Variants in MICAL3 observed in about 807,000 individuals in gnomAD.
The protein encoded by MICAL3 is [F-actin]-monooxygenase MICAL3.
A neutral mutation model predicts 207.4 loss-of-function variants in MICAL3; 62 were observed. The observed-to-expected ratio is 0.30, with a 90% CI of 0.24 to 0.37. MICAL3 has a LOEUF of 0.37. Among genes scored for constraint, MICAL3 ranks in the 10% least tolerant of loss-of-function variants. The pLI, the probability that MICAL3 is intolerant of heterozygous loss-of-function variation, is 1.00. For missense variants in MICAL3, 2,368 were observed against 2,635.6 expected, an observed-to-expected ratio of 0.90 and a Z score of 2.22; for synonymous variants, 1,077 against 1,069.3, an observed-to-expected ratio of 1.01 and a Z score of -0.14.
intron 1 of MICAL3, among the ~76,000 whole-genome samples, chr22:18,002,944 C>T (rs927173033): frequency 6.6e-6 from 1 of 152,174 alleles, no homozygotes; most frequent in Non-Finnish European, 1.5e-5. Flanking sequence ...ATCACGAGGT[C>T]AGGAGATCCA....
intron 1 of MICAL3, among the ~76,000 whole-genome samples, chr22:17,967,490 A>C (rs1461617329): frequency 1.8e-5 from 2 of 111,228 alleles, no homozygotes; most frequent in African/African-American, 6.0e-5. Flanking sequence ...ACACACACAC[A>C]CACCCACACA....
At chr22:17,927,246 A>C (rs994116392) in intron 1 of MICAL3, among the ~76,000 whole-genome samples, 1 of 152,196 alleles carries the variant, frequency 6.6e-6, no homozygotes, top group Non-Finnish European at 1.5e-5. Flanking sequence ...CCACATTGTA[A>C]CATATACCAT....
chr22:17,833,646 G>A (rs150372994), intron 20 of MICAL3, among the ~76,000 whole-genome samples: 29 of 152,338 alleles, frequency 1.9e-4, no homozygotes, highest in South Asian at 1.2e-3. Flanking sequence ...CTATGGGGCT[G>A]TCACTGTTTG....
At position 17,827,775 on chromosome 22, in the gene MICAL3, T is replaced by G; in HGVS notation, c.3062A>C (p.Asn1021Thr). Reference protein sequence around the residue: ...EEEEESSEAGNQRLQQVMHAA... With the variant: ...EEEEESSEAGTQRLQQVMHAA... ...GTGCATGACCTGCTGGAGCCTCTGGTTCCCGGCTAGTGTCCCAGGGTCAAG... is the reference window on the plus strand; with the variant it reads ...GTGCATGACCTGCTGGAGCCTCTGGGTCCCGGCTAGTGTCCCAGGGTCAAG... The change falls in exon 22 of 32, where the codon AAC becomes ACC. Residue 1021 changes from asparagine (N) to threonine (T), a missense_variant. Transcript: ENST00000441493. 6.5e-7 allele frequency: 1 copy of G among 1,548,292 alleles called. No homozygotes were observed. Among genetic ancestry groups the G allele is most frequent in the Non-Finnish European group, 8.7e-7 (1 of 1,145,486 alleles).
chr22:17,863,126 C>T (rs1241322297), intron 19 of MICAL3: 1 of 985,258 alleles, frequency 1.0e-6, no homozygotes, highest in Non-Finnish European at 1.2e-6. Flanking sequence ...AAACCTGAAA[C>T]CCATTATACT....
chr22:17,810,685 C>A lies in MICAL3; in HGVS notation c.5556+18G>T. The A allele has an allele frequency of 6.2e-7, 1 of 1,600,180 alleles. No homozygotes were observed. The highest frequency in any genetic ancestry group is 1.1e-5 in the South Asian group (1 of 90,802). On this transcript the variant is annotated intron_variant, in intron 28 of 31. Coordinates refer to ENST00000441493, the MANE Select transcript of MICAL3 (RefSeq NM_015241.3). ...CCCTCCCATGCATGTGCCCTGGTCC[C>A]ATCCTCCATGGTTTTACCTGGGCTC...
chr22:18,000,468 C>G (rs1922828011), intron 1 of MICAL3, among the ~76,000 whole-genome samples: 1 of 152,252 alleles, frequency 6.6e-6, no homozygotes, highest in Admixed American at 6.5e-5. Context: ...GCACAGAGGC[C>G]TTGCCTGAGG....
At chr22:17,897,165 G>A (rs1224220582) in intron 7 of MICAL3, among the ~76,000 whole-genome samples, 184 bp from the exon 8 acceptor site, 1 of 152,116 alleles carries the variant, frequency 6.6e-6, no homozygotes, top group East Asian at 1.9e-4. Context: ...GCCCACACCT[G>A]TAATCCCAGC....
chr22:17,817,607 G>C lies in MICAL3; in HGVS notation c.5054C>G (p.Ser1685Cys). Residue 1685 changes from serine (S) to cysteine (C), a missense_variant, in exon 26 of 32, where the codon TCT (serine) becomes TGT (cysteine). Transcript: ENST00000441493. ...PPSDSGGPDG[S>C]FTSSEGSSGK... ...ACTGGAGCCCTCGGATGAAGTGAAA[G>C]AGCCATCTGGGCCCCCTGAGTCCGA... 1 of 1,613,216 alleles carries C rather than the reference G, an allele frequency of 6.2e-7. No homozygotes were observed. Among genetic ancestry groups the C allele is most frequent in the South Asian group, 1.1e-5 (1 of 91,064 alleles).
At chr22:17,798,919 C>T (rs1027900666) in intron 29 of MICAL3, among the ~76,000 whole-genome samples, 80 of 152,024 alleles carry the variant, frequency 5.3e-4, no homozygotes, top group Admixed American at 9.8e-4. Context: ...GTGATCTGCC[C>T]GCCTCGGCCT....
In MICAL3 at chr22:17,791,194, C is replaced by T; in HGVS notation, c.5750+8G>A. The T allele has an allele frequency of 6.2e-7, 1 of 1,613,336 alleles. No individual in the cohort carries two copies. Among genetic ancestry groups the T allele is most frequent in the Non-Finnish European group, 8.5e-7 (1 of 1,179,658 alleles). ...TAGCGCTGACGCCCCCTACCCAAGG[C>T]CACTCACAAGATCATCAGCTCCGAC... On this transcript the variant is annotated splice_region_variant and intron_variant, in intron 30 of 31. Transcript: ENST00000441493.
rs531802697 is a variant in MICAL3, at chr22:17,789,771, C to T, written c.*961G>A. 6.6e-6 allele frequency: 1 copy of T among 152,348 alleles called. No homozygotes were observed. The highest frequency in any genetic ancestry group is 2.1e-4 in the South Asian group (1 of 4,830). The allele number at this position is 152,348 out of a possible 1,614,324, so 9.4% of individuals were successfully genotyped here. ...GCACCCGGGCGCAGGTGATCAGTTC[C>T]TCTAGTAAAGATACACAAACGAAGT... is the stretch of plus-strand genomic sequence containing the variant. On this transcript the variant is annotated 3_prime_UTR_variant, in exon 32 of 32. Transcript: ENST00000441493.
chr22:17,853,940 G>T (rs1310985684), intron 19 of MICAL3, among the ~76,000 whole-genome samples: 1 of 152,218 alleles, frequency 6.6e-6, no homozygotes, highest in African/African-American at 2.4e-5. Flanking sequence ...ACAGCCACTA[G>T]GAAGTGTGTT....
chr22:17,842,245 TTC>T (rs1045728509), intron 19 of MICAL3: 1 of 573,920 alleles, frequency 1.7e-6, no homozygotes, highest in African/African-American at 1.9e-5. Context: ...GGTCAGAGCG[TTC>T]TCTCTCCTTC....
chr22:17,910,515 G>A (rs765393274), intron 1 of MICAL3, among the ~76,000 whole-genome samples: 90 of 152,140 alleles, frequency 5.9e-4, no homozygotes, highest in Admixed American at 2.6e-3. Flanking sequence ...TTAATTCCCC[G>A]GCCGAAGAGA....
intron 1 of MICAL3, among the ~76,000 whole-genome samples, chr22:17,981,326 T>C (rs1254086660): frequency 6.6e-6 from 1 of 151,658 alleles, no homozygotes; most frequent in Non-Finnish European, 1.5e-5. Flanking sequence ...CTTACATCTG[T>C]GACTATTGAC....
intron 13 of MICAL3, 45 bp from the exon 14 acceptor site, chr22:17,887,480 G>T: frequency 7.1e-7 from 1 of 1,402,660 alleles, no homozygotes; most frequent in Non-Finnish European, 1.0e-6. Context: ...CCTTGAGGGC[G>T]CCGCAAAATC....
At position 17,841,539 on chromosome 22, in the gene MICAL3, G is replaced by A. The variant is rs970705310; in HGVS notation, c.2801+283C>T. 5.3e-6 allele frequency: 3 copies of A among 563,378 alleles called. No individual in the cohort carries two copies. The highest frequency in any genetic ancestry group is 9.5e-6 in the Non-Finnish European group (3 of 315,798). The allele number at this position is 563,378 out of a possible 1,614,324, so 34.9% of individuals were successfully genotyped here. On this transcript the variant is annotated intron_variant, in intron 20 of 31. Coordinates refer to ENST00000441493, the MANE Select transcript of MICAL3 (RefSeq NM_015241.3). This position sits in a 1 kb window ranked among gnomAD's most constrained non-coding sequence, Gnocchi z 4.2. ...TGCTGAATCTGTGAATAACCCGGGG[G>A]CAGAGCCTGCCACTTTCCTTCCCAA...
At chr22:17,814,417 T>C (rs1215238475) in intron 27 of MICAL3, 1 of 152,240 alleles carries the variant, frequency 6.6e-6, no homozygotes, top group African/African-American at 2.4e-5. Context: ...CATTTTCCTA[T>C]ATAACTTTCC....
Sources: allele counts gnomAD v4.1 joint callset (sites outside exome capture counted in the v4.1 genomes callset), GRCh38; gene constraint gnomAD v4.1.1; non-coding constraint Gnocchi (gnomAD v3.1); transcripts MANE v1.5; gene names NCBI Gene and HGNC (gene_info 2026-07-23, HGNC 2026-07-21).